Variants in PLCB1 observed in about 807,000 individuals in gnomAD.
PLCB1 encodes the protein phospholipase C beta 1, also known as 1-phosphatidylinositol 4,5-bisphosphate phosphodiesterase beta-1.
PLCB1 carries 46 observed loss-of-function variants against 161.8 expected under a neutral mutation model. The observed-to-expected ratio is 0.28, with a 90% CI of 0.22 to 0.36. The LOEUF is 0.36. Ranked by LOEUF, PLCB1 falls within the 10% of genes least tolerant of loss-of-function variation. The pLI is 1.00. For missense variants in PLCB1, 1,016 were observed against 1,472.5 expected, an observed-to-expected ratio of 0.69 and a Z score of 5.07; for synonymous variants, 517 against 503.7, an observed-to-expected ratio of 1.03 and a Z score of -0.35.
intron 27 of PLCB1, among the ~76,000 whole-genome samples, chr20:8,781,447 C>T (rs1391552844): frequency 6.9e-6 from 1 of 145,794 alleles, no homozygotes; most frequent in East Asian, 2.0e-4. Flanking sequence ...CACACACACA[C>T]AAAGATCCAA....
intron 7 of PLCB1, among the ~76,000 whole-genome samples, chr20:8,655,786 A>T (rs1989441670): frequency 6.6e-6 from 1 of 152,054 alleles, no homozygotes; most frequent in Non-Finnish European, 1.5e-5. Flanking sequence ...ATGTTCTTGC[A>T]ATTGATTTTA....
Position 8,429,027 on chromosome 20 carries a change from T to TA in PLCB1, c.246+57578dup, listed in dbSNP as rs148995912. On this transcript the variant is annotated intron_variant, in intron 3 of 31. Coordinates refer to ENST00000338037, the MANE Select transcript of PLCB1 (RefSeq NM_015192.4). Reference sequence around the variant, plus strand: ...CTTTTAAAAGCCTCTGAGAGGCCAGTATTATCCCCAGAAAGAATGAGAGGA... The same window carrying TA: ...CTTTTAAAAGCCTCTGAGAGGCCAGTAATTATCCCCAGAAAGAATGAGAGGA... Among the ~76,000 whole-genome samples the TA allele has an allele frequency of 5.5e-3, 838 of 152,288 alleles. 7 individuals carry two copies. Among genetic ancestry groups the TA allele is most frequent in the African/African-American group, 0.019 (784 of 41,554 alleles).
At chr20:8,182,088 A>G (rs977959578) in intron 2 of PLCB1, among the ~76,000 whole-genome samples, 1 of 152,256 alleles carries the variant, frequency 6.6e-6, no homozygotes, top group African/African-American at 2.4e-5. Context: ...ACACAGGGGC[A>G]ATAGCGTTCA....
chr20:8,523,492 CTCTCTATATATATATATA>C (rs1455788706), intron 3 of PLCB1, among the ~76,000 whole-genome samples: 3 of 61,846 alleles, frequency 4.9e-5, no homozygotes, highest in African/African-American at 2.1e-4. Flanking sequence ...CTCTCTCTCT[CTCTCTATATATATATATA>C]TATATATATA....
At chr20:8,796,833 A>T (rs138497309) in intron 31 of PLCB1, among the ~76,000 whole-genome samples, 337 of 152,250 alleles carry the variant, frequency 2.2e-3, no homozygotes, top group African/African-American at 7.7e-3. Context: ...ATAAGACATT[A>T]TTCTATGTTT....
intron 13 of PLCB1, among the ~76,000 whole-genome samples, chr20:8,716,728 TCTTCTTGGC>T (rs1263558128): frequency 3.9e-5 from 6 of 152,208 alleles, no homozygotes; most frequent in African/African-American, 1.2e-4. Context: ...TGGCACAATG[TCTTCTTGGC>T]CTGTCCCTGC....
intron 3 of PLCB1, among the ~76,000 whole-genome samples, chr20:8,379,025 G>T (rs1336677357): frequency 6.6e-6 from 1 of 151,844 alleles, no homozygotes; most frequent in Non-Finnish European, 1.5e-5. Context: ...GAACATGCAG[G>T]TTTGTTACAT....
intron 2 of PLCB1, among the ~76,000 whole-genome samples, chr20:8,188,385 T>C (rs2051929656): frequency 6.6e-6 from 1 of 152,060 alleles, no homozygotes. Flanking sequence ...GGAACAATAA[T>C]GCAGTTGAAC....
chr20:8,555,446 T>G (rs185467904), intron 3 of PLCB1, among the ~76,000 whole-genome samples: 1 of 152,176 alleles, frequency 6.6e-6, no homozygotes, highest in Admixed American at 6.6e-5. Context: ...ACTGAGGCCA[T>G]CCACCACTAC....
At chr20:8,401,258 A>C (rs1211156858) in intron 3 of PLCB1, among the ~76,000 whole-genome samples, 1 of 152,216 alleles carries the variant, frequency 6.6e-6, no homozygotes, top group African/African-American at 2.4e-5. Flanking sequence ...ATTAAGAGCT[A>C]TCATATACTG....
At chr20:8,867,110 C>G (rs1987455506) in intron 31 of PLCB1, among the ~76,000 whole-genome samples, 1 of 152,200 alleles carries the variant, frequency 6.6e-6, no homozygotes, top group Non-Finnish European at 1.5e-5. Context: ...TTTGATTCAG[C>G]CTGTCCCTTG....
intron 3 of PLCB1, among the ~76,000 whole-genome samples, chr20:8,483,948 A>C (rs1378313515): frequency 6.6e-6 from 1 of 152,242 alleles, no homozygotes; most frequent in Admixed American, 6.5e-5. Context: ...CACACATAGC[A>C]GCTAAGCTGG....
At chr20:8,475,591 A>C (rs188340024) in intron 3 of PLCB1, among the ~76,000 whole-genome samples, 1 of 152,320 alleles carries the variant, frequency 6.6e-6, no homozygotes, top group East Asian at 1.9e-4. Flanking sequence ...ACTTTTTTCT[A>C]CACCTTGTCT....
intron 23 of PLCB1, among the ~76,000 whole-genome samples, chr20:8,745,303 CTG>C (rs201859046): frequency 2.3e-3 from 352 of 152,258 alleles, no homozygotes; most frequent in African/African-American, 7.9e-3. Flanking sequence ...AAATAAGTAA[CTG>C]TGGTTTTCTC....
At chr20:8,783,280 T>C (rs1983326189) in intron 27 of PLCB1, among the ~76,000 whole-genome samples, 1 of 152,284 alleles carries the variant, frequency 6.6e-6, no homozygotes, top group African/African-American at 2.4e-5. Flanking sequence ...TTTTTGCTTC[T>C]TCTCTACCTT....
At chr20:8,744,659 A>AT (rs61217037) in intron 23 of PLCB1, among the ~76,000 whole-genome samples, 3,280 of 69,302 alleles carry the variant, frequency 0.047, 158 homozygotes, top group African/African-American at 0.18. Context: ...ATAAAATAAA[A>AT]AAATAAAATT....
At chr20:8,289,859 C>T (rs532585095) in intron 2 of PLCB1, among the ~76,000 whole-genome samples, 1 of 152,288 alleles carries the variant, frequency 6.6e-6, no homozygotes, top group East Asian at 1.9e-4. Context: ...CAGTGTTTCC[C>T]AATGGCTTGA....
chr20:8,186,158 T>G (rs2051902984), intron 2 of PLCB1, among the ~76,000 whole-genome samples: 1 of 152,156 alleles, frequency 6.6e-6, no homozygotes, highest in Non-Finnish European at 1.5e-5. Context: ...ATCCCAAAGT[T>G]TGGATTTCTT....
At chr20:8,535,045 C>T (rs74183561) in intron 3 of PLCB1, among the ~76,000 whole-genome samples, 5 of 148,698 alleles carry the variant, frequency 3.4e-5, no homozygotes, top group Non-Finnish European at 5.9e-5. Context: ...CAAGTTCCTT[C>T]TCCTGGTTGG....
Sources: allele counts gnomAD v4.1 joint callset (sites outside exome capture counted in the v4.1 genomes callset), GRCh38; gene constraint gnomAD v4.1.1; transcripts MANE v1.5; gene names NCBI Gene and HGNC (gene_info 2026-07-23, HGNC 2026-07-21).